The following ARHGAP26 variants were observed in gnomAD, a reference collection of about 807,000 sequenced individuals.
ARHGAP26 encodes the protein Rho GTPase activating protein 26, also known as rho GTPase-activating protein 26.
In ARHGAP26, 38 loss-of-function variants were observed where a neutral mutation model predicts 104.8. The observed-to-expected ratio is 0.36, with a 90% CI of 0.28 to 0.48. The LOEUF (loss-of-function observed/expected upper bound fraction) is 0.48, where lower values mean the gene tolerates loss of function less well. ARHGAP26 is among the 20% of genes least tolerant of loss of function. The pLI is 0.99. For missense variants in ARHGAP26, 704 were observed against 947.9 expected (o/e 0.74, Z 3.38); for synonymous variants, 341 against 340.0 (o/e 1.00, Z -0.03).
At chr5:143,080,358 A>C (rs188329611) in intron 17 of ARHGAP26, among the ~76,000 whole-genome samples, 29 of 152,338 alleles carry the variant, frequency 1.9e-4, no homozygotes, top group Admixed American at 1.9e-3. Flanking sequence ...AGTATAGACT[A>C]AATCCATTAT....
At chr5:143,167,063 A>G (rs562044295) in intron 20 of ARHGAP26, among the ~76,000 whole-genome samples, 16 of 152,352 alleles carry the variant, frequency 1.1e-4, no homozygotes, top group Non-Finnish European at 8.8e-5. Flanking sequence ...TCACAACTGT[A>G]TAACAGCACA....
At chr5:143,070,108 TG>T (rs552090656) in intron 17 of ARHGAP26, among the ~76,000 whole-genome samples, 3 of 152,276 alleles carry the variant, frequency 2.0e-5, no homozygotes, top group South Asian at 2.1e-4. Flanking sequence ...CAGGCAAATG[TG>T]GGGGGGTTCC....
At chr5:142,950,489 C>A (rs1169344030) in intron 11 of ARHGAP26, among the ~76,000 whole-genome samples, 1 of 151,440 alleles carries the variant, frequency 6.6e-6, no homozygotes, top group Non-Finnish European at 1.5e-5. Context: ...TTTTCCTAAA[C>A]AACTCTATTC....
At chr5:143,050,101 T>A (rs1784790197) in intron 14 of ARHGAP26, among the ~76,000 whole-genome samples, 1 of 152,226 alleles carries the variant, frequency 6.6e-6, no homozygotes, top group Non-Finnish European at 1.5e-5. Context: ...TGGCTTGGGC[T>A]ATGTTGTTGG....
chr5:143,118,148 G>A (rs1410503701), intron 17 of ARHGAP26, among the ~76,000 whole-genome samples: 3 of 152,174 alleles, frequency 2.0e-5, no homozygotes, highest in African/African-American at 7.2e-5. Context: ...AGTTTGCCAA[G>A]CAAAGAAAGC....
Position 143,147,250 on chromosome 5 carries a change from C to T in ARHGAP26, c.1857C>T (p.Ile619=). 1 of 1,614,018 alleles carries T rather than the reference C, an allele frequency of 6.2e-7. No homozygotes were observed. Among genetic ancestry groups the T allele is most frequent in the Non-Finnish European group, 8.5e-7 (1 of 1,179,924 alleles). ...CCCCAGAGGAACAAAGGAACAGCAT[C>T]ATCAACTCCAGTTTGGAATCTGTCT... is the stretch of plus-strand genomic sequence containing the variant. ...STEKQEQRNS[I]INSSLESVSS... Residue 619 remains isoleucine, a synonymous_variant, in exon 20 of 23, where the codon ATC becomes ATT. Coordinates refer to ENST00000645722, the MANE Select transcript of ARHGAP26 (RefSeq NM_001135608.3).
chr5:142,890,151 AATATATAT>A (rs752591382), intron 5 of ARHGAP26, among the ~76,000 whole-genome samples: 108 of 32,388 alleles, frequency 3.3e-3, no homozygotes, highest in East Asian at 0.016. Flanking sequence ...AAAAAAAAAA[AATATATAT>A]ATATATATAT....
intron 1 of ARHGAP26, among the ~76,000 whole-genome samples, chr5:142,828,133 A>G (rs557853959): frequency 6.6e-5 from 10 of 152,330 alleles, no homozygotes; most frequent in Non-Finnish European, 1.2e-4. Flanking sequence ...TTTCCTTATC[A>G]GGCCCTCAAC....
chr5:142,946,330 G>A (rs934184519), intron 11 of ARHGAP26, among the ~76,000 whole-genome samples: 3 of 152,138 alleles, frequency 2.0e-5, no homozygotes, highest in Non-Finnish European at 4.4e-5. Context: ...GATCTTACTA[G>A]ACATTCCGAG....
chr5:143,192,560 ATGT>A (rs1261436661), intron 20 of ARHGAP26: 2 of 152,252 alleles, frequency 1.3e-5, no homozygotes, highest in African/African-American at 4.8e-5. Flanking sequence ...TTGGCCTGCA[ATGT>A]CTAAACTATT....
intron 10 of ARHGAP26, chr5:142,919,242 A>G: frequency 2.5e-6 from 1 of 398,622 alleles, no homozygotes; most frequent in East Asian, 3.6e-5. Flanking sequence ...GGACATGTAC[A>G]CGAGAAGATA....
chr5:143,030,210 C>T (rs555772597), intron 12 of ARHGAP26, among the ~76,000 whole-genome samples: 21 of 152,302 alleles, frequency 1.4e-4, no homozygotes, highest in African/African-American at 3.6e-4. Context: ...TCAGGTCTCA[C>T]GGGTAGCATG....
chr5:142,828,924 C>T (rs1767845256), intron 1 of ARHGAP26, among the ~76,000 whole-genome samples: 1 of 152,208 alleles, frequency 6.6e-6, no homozygotes. Flanking sequence ...GTCCTCAGTC[C>T]AAAGCAGCTA....
At position 143,225,637 on chromosome 5, in the gene ARHGAP26, G is replaced by A. The variant is rs1414802720; in HGVS notation, c.*3191G>A. The A allele has an allele frequency of 4.5e-6, 1 of 220,744 alleles. No individual in the cohort carries two copies. Among genetic ancestry groups the A allele is most frequent in the Non-Finnish European group, 9.1e-6 (1 of 109,884 alleles). 13.7% of individuals were successfully genotyped at this position (220,744 alleles called of 1,614,324 possible). On this transcript the variant is annotated 3_prime_UTR_variant, in exon 23 of 23. Transcript: ENST00000645722. ...CCCCAGCTTCACTGCTTGGAAGCAT[G>A]TCCCTCCCTCTTGAGTTGGCTCTGA... is the stretch of plus-strand genomic sequence containing the variant.
intron 10 of ARHGAP26, among the ~76,000 whole-genome samples, chr5:142,920,492 A>T (rs138780896): frequency 6.6e-6 from 1 of 152,218 alleles, no homozygotes; most frequent in Non-Finnish European, 1.5e-5. Context: ...TGTGAAAAAT[A>T]ATAAAACTTT....
At chr5:143,066,294 A>T (rs1787470711) in intron 17 of ARHGAP26, among the ~76,000 whole-genome samples, 1 of 152,112 alleles carries the variant, frequency 6.6e-6, no homozygotes, top group African/African-American at 2.4e-5. Flanking sequence ...GTGCAAATGC[A>T]CTCTATGATG....
intron 5 of ARHGAP26, among the ~76,000 whole-genome samples, chr5:142,885,603 C>T (rs750160094): frequency 1.3e-5 from 2 of 152,132 alleles, no homozygotes; most frequent in East Asian, 1.9e-4. Flanking sequence ...GTAGCCTTCC[C>T]GCCTGTCAAG....
At chr5:142,772,103 G>T (rs1195424965) in intron 1 of ARHGAP26, among the ~76,000 whole-genome samples, 1 of 152,206 alleles carries the variant, frequency 6.6e-6, no homozygotes, top group East Asian at 1.9e-4. Context: ...TCGTAGCTGT[G>T]GGAATTGTTC....
At chr5:142,923,901 G>A (rs939655640) in intron 10 of ARHGAP26, among the ~76,000 whole-genome samples, 8 of 121,960 alleles carry the variant, frequency 6.6e-5, no homozygotes, top group Admixed American at 2.2e-4. Context: ...CTGCTCTGTC[G>A]CCCAGGCTGG....
Sources: gnomAD v4.1 joint callset for allele counts (sites outside exome capture counted in the v4.1 genomes callset) on GRCh38, gnomAD v4.1.1 for gene constraint, MANE v1.5 for transcripts, NCBI Gene and HGNC (gene_info 2026-07-23, HGNC 2026-07-21) for gene names.